Variants in UBE3C observed in about 807,000 individuals in gnomAD.
UBE3C encodes ubiquitin protein ligase E3C, also known as ubiquitin-protein ligase E3C.
A neutral mutation model predicts 129.4 loss-of-function variants in UBE3C; 42 were observed. The ratio of observed to expected loss-of-function variants is 0.32; its 90% CI spans 0.25 to 0.42. UBE3C has a LOEUF of 0.42. Among genes scored for constraint, UBE3C ranks in the 10% least tolerant of loss-of-function variants. UBE3C has a pLI of 1.00. For missense variants in UBE3C, 1,049 were observed against 1,319.1 expected, an observed-to-expected ratio of 0.80 and a Z score of 3.17; for synonymous variants, 510 against 492.4, an observed-to-expected ratio of 1.04 and a Z score of -0.47.
intron 6 of UBE3C, among the ~76,000 whole-genome samples, chr7:157,179,828 T>C (rs1177019302): frequency 6.6e-6 from 1 of 151,310 alleles, no homozygotes; most frequent in Non-Finnish European, 1.5e-5. Context: ...ATTTCAGCCT[T>C]GCTGCTTGGC....
intron 1 of UBE3C, among the ~76,000 whole-genome samples, chr7:157,145,826 A>G (rs1807589457): frequency 6.6e-6 from 1 of 152,172 alleles, no homozygotes; most frequent in South Asian, 2.1e-4. Flanking sequence ...AGAGTCCTCA[A>G]AACCTCCTCT....
At chr7:157,167,594 G>T (rs1808252396) in intron 2 of UBE3C, among the ~76,000 whole-genome samples, 2 of 151,738 alleles carry the variant, frequency 1.3e-5, no homozygotes, top group African/African-American at 2.4e-5. Context: ...CTGGAATGCA[G>T]TGGCGCGATC....
At chr7:157,249,054 G>A (rs1208011826) in intron 19 of UBE3C, among the ~76,000 whole-genome samples, 1 of 152,174 alleles carries the variant, frequency 6.6e-6, no homozygotes, top group Non-Finnish European at 1.5e-5. Flanking sequence ...CTATATTAGA[G>A]ATTCAAACTG....
intron 13 of UBE3C, among the ~76,000 whole-genome samples, chr7:157,209,373 G>A (rs1645031335): frequency 6.6e-6 from 1 of 152,158 alleles, no homozygotes. Context: ...TGTAATATAT[G>A]TTTGCACAAT....
In UBE3C at chr7:157,267,822, C is replaced by A; in HGVS notation, c.*67C>A. 1.4e-6 allele frequency: 2 copies of A among 1,421,100 alleles called. No homozygotes were observed. Among genetic ancestry groups the A allele is most frequent in the Non-Finnish European group, 1.9e-6 (2 of 1,064,340 alleles). The allele number at this position is 1,421,100 out of a possible 1,614,324, so 88.0% of individuals were successfully genotyped here. A position where few individuals can be genotyped will look rare whatever the true frequency, so the allele number is the denominator to read the frequency against. ...CCTTCGTCAGCAGCGCCTCCCCAGACCCACGAGGATACTCACACTGCACGC... is the reference window on the plus strand; with the variant it reads ...CCTTCGTCAGCAGCGCCTCCCCAGAACCACGAGGATACTCACACTGCACGC... On this transcript the variant is annotated 3_prime_UTR_variant, in exon 23 of 23. Coordinates refer to ENST00000348165, the MANE Select transcript of UBE3C (RefSeq NM_014671.3).
At chr7:157,210,870 A>G (rs1363163064) in intron 13 of UBE3C, among the ~76,000 whole-genome samples, 1 of 152,258 alleles carries the variant, frequency 6.6e-6, no homozygotes, top group Non-Finnish European at 1.5e-5. Flanking sequence ...GTCACAGAGC[A>G]TAGAATTTTA....
intron 13 of UBE3C, among the ~76,000 whole-genome samples, chr7:157,214,642 C>T (rs990223833): frequency 6.6e-6 from 1 of 152,168 alleles, no homozygotes. Context: ...AAAGACCAGA[C>T]ACGAACATCT....
chr7:157,151,577 T>C (rs142676221), intron 1 of UBE3C, among the ~76,000 whole-genome samples: 13 of 152,302 alleles, frequency 8.5e-5, no homozygotes, highest in African/African-American at 3.1e-4. Context: ...TGCTTGGAAA[T>C]GCTTAGGTTC....
At chr7:157,229,180 A>G (rs1795955991) in intron 17 of UBE3C, among the ~76,000 whole-genome samples, 2 of 152,198 alleles carry the variant, frequency 1.3e-5, no homozygotes, top group Admixed American at 6.5e-5. Flanking sequence ...CTTTTCTGCA[A>G]AGCACCTGTA....
intron 2 of UBE3C, among the ~76,000 whole-genome samples, chr7:157,167,166 A>G (rs1808240058): frequency 6.6e-6 from 1 of 152,206 alleles, no homozygotes; most frequent in East Asian, 1.9e-4. Context: ...CCTGACCTCA[A>G]GTGATCTGCC....
In UBE3C at chr7:157,268,602, TC is replaced by T. The variant is rs1797140764; in HGVS notation, c.*850del. 1 of 152,652 alleles carries T rather than the reference TC, an allele frequency of 6.6e-6. No homozygotes were observed. Among genetic ancestry groups the T allele is most frequent in the Admixed American group, 6.5e-5 (1 of 15,276 alleles). 9.5% of individuals were successfully genotyped at this position (152,652 alleles called of 1,614,324 possible). On this transcript the variant is annotated 3_prime_UTR_variant, in exon 23 of 23. Coordinates refer to ENST00000348165, the MANE Select transcript of UBE3C (RefSeq NM_014671.3). ...AACCAAAGTGGCGGCTGCATCTTTGTCCCGATGCTAGCCGTGCCGGTCTCCC... is the reference window on the plus strand; with the variant it reads ...AACCAAAGTGGCGGCTGCATCTTTGTCCGATGCTAGCCGTGCCGGTCTCCC...
At chr7:157,236,920 C>T (rs892925805) in intron 18 of UBE3C, among the ~76,000 whole-genome samples, 8 of 151,786 alleles carry the variant, frequency 5.3e-5, no homozygotes, top group African/African-American at 1.2e-4. Context: ...TTAGTAGAGA[C>T]GGGGTTTCAT....
chr7:157,151,818 C>G (rs747241821), intron 1 of UBE3C, among the ~76,000 whole-genome samples: 1 of 152,080 alleles, frequency 6.6e-6, no homozygotes, highest in African/African-American at 2.4e-5. Context: ...CCATGACAAC[C>G]GTGGAGCAGG....
chr7:157,240,518 T>C (rs1036846154), intron 18 of UBE3C, among the ~76,000 whole-genome samples: 2 of 152,226 alleles, frequency 1.3e-5, no homozygotes, highest in East Asian at 3.8e-4. Flanking sequence ...GGTTACTTTT[T>C]CTACACCCGT....
At chr7:157,238,073 G>GT (rs1439182433) in intron 18 of UBE3C, among the ~76,000 whole-genome samples, 2 of 152,116 alleles carry the variant, frequency 1.3e-5, no homozygotes, top group East Asian at 1.9e-4. Flanking sequence ...TAGGGCCCAT[G>GT]TAAATCCTTT....
chr7:157,224,189 A>AT (rs930752263), intron 16 of UBE3C, among the ~76,000 whole-genome samples: 8 of 151,324 alleles, frequency 5.3e-5, no homozygotes, highest in Admixed American at 2.0e-4. Flanking sequence ...ACACTACTTT[A>AT]TTTTTTTTGT....
chr7:157,142,102 G>A (rs567447228), intron 1 of UBE3C, among the ~76,000 whole-genome samples: 25 of 152,254 alleles, frequency 1.6e-4, no homozygotes, highest in Middle Eastern at 6.8e-3. Context: ...TTTCTTTGTG[G>A]TTTTAATTTT....
intron 10 of UBE3C, among the ~76,000 whole-genome samples, chr7:157,193,062 G>A (rs534152650): frequency 5.9e-5 from 9 of 152,236 alleles, no homozygotes; most frequent in East Asian, 1.9e-4. Context: ...GAATGCTAGC[G>A]CGCCTGAGTG....
chr7:157,241,094 A>G (rs758642391), intron 18 of UBE3C, among the ~76,000 whole-genome samples: 3 of 151,942 alleles, frequency 2.0e-5, no homozygotes, highest in Non-Finnish European at 4.4e-5. Flanking sequence ...CAGGGGGCCT[A>G]CCTCCCTTCT....
Sources: allele counts gnomAD v4.1 joint callset (sites outside exome capture counted in the v4.1 genomes callset), GRCh38; gene constraint gnomAD v4.1.1; transcripts MANE v1.5; gene names NCBI Gene and HGNC (gene_info 2026-07-23, HGNC 2026-07-21).